The following ATP11C variants were observed in gnomAD, a reference collection of about 807,000 sequenced individuals.
ATP11C encodes the protein phospholipid-transporting ATPase IG.
ATP11C carries 36 observed loss-of-function variants against 97.4 expected under a neutral mutation model. The observed-to-expected ratio is 0.37, with a 90% CI of 0.28 to 0.49. ATP11C has a LOEUF of 0.49. Ranked by LOEUF, ATP11C falls within the 20% of genes least tolerant of loss-of-function variation. The pLI is 0.98. For missense variants in ATP11C, 730 were observed against 824.6 expected (o/e 0.89, Z 1.40); for synonymous variants, 275 against 290.9 (o/e 0.95, Z 0.56).
chrX:139,855,174 G>A (rs1312096594), intron 1 of ATP11C, among the ~76,000 whole-genome samples: 1 of 111,575 alleles, frequency 9.0e-6, no homozygotes, highest in East Asian at 2.8e-4. Context: ...GCTTTCTTTG[G>A]TCTAAAAACT....
intron 1 of ATP11C, among the ~76,000 whole-genome samples, chrX:139,914,221 C>G (rs1227953587): frequency 1.8e-5 from 2 of 111,875 alleles, no homozygotes; most frequent in East Asian, 2.8e-4. Flanking sequence ...AGCCACTTAC[C>G]CTCTCTCAGT....
chrX:139,802,269 A>G lies in ATP11C; in HGVS notation c.626T>C (p.Ile209Thr). 8.3e-7 allele frequency: 1 copy of G among 1,208,816 alleles called. No homozygotes were observed. Among genetic ancestry groups the G allele is most frequent in the Non-Finnish European group, 1.1e-6 (1 of 892,771 alleles). ...AESIDTLRAA[I>T]ECEQPQPDLY... ...GTCAGGTTGAGGCTGTTCACATTCA[A>G]TTGCTGCTCGGAGGGTATCGATGGA... The change falls in exon 7 of 30, where the codon ATT becomes ACT. Residue 209 changes from isoleucine to threonine, a missense_variant. Transcript: ENST00000682941.
chrX:139,851,633 A>T (rs1290881989), intron 1 of ATP11C, among the ~76,000 whole-genome samples: 1 of 111,250 alleles, frequency 9.0e-6, no homozygotes, highest in Non-Finnish European at 1.9e-5. Flanking sequence ...CAAGTAGGAG[A>T]CTCCAACCTG....
chrX:139,878,175 C>T (rs142621831), intron 1 of ATP11C, among the ~76,000 whole-genome samples: 2,249 of 111,995 alleles, frequency 0.02, 18 homozygotes, highest in Middle Eastern at 0.046. Context: ...CTTTCTGACA[C>T]GTAAAATGAA....
intron 1 of ATP11C, among the ~76,000 whole-genome samples, chrX:139,919,490 CA>C (rs2085219538): frequency 9.6e-6 from 1 of 104,183 alleles, no homozygotes; most frequent in South Asian, 4.1e-4. Context: ...CACACACACA[CA>C]CAAACTACTT....
chrX:139,732,455 CTG>C (rs758595498), intron 28 of ATP11C: 1 of 368,847 alleles, frequency 2.7e-6, no homozygotes, highest in South Asian at 2.4e-5. Context: ...CCAAGAGAAA[CTG>C]TGATTGCTGG....
At chrX:139,738,934 T>C (rs1021469509) in intron 27 of ATP11C, among the ~76,000 whole-genome samples, 16 of 111,691 alleles carry the variant, frequency 1.4e-4, no homozygotes, top group African/African-American at 5.2e-4. Flanking sequence ...TGACACATCA[T>C]GCTTCCTGAA....
At chrX:139,732,511 G>A (rs1167611815) in intron 28 of ATP11C, 2 of 360,619 alleles carry the variant, frequency 5.5e-6, no homozygotes, top group Admixed American at 2.6e-5. Context: ...CTGAGGAAGG[G>A]AGGCGTTTCG....
chrX:139,776,708 C>T (rs1478775104), intron 18 of ATP11C, among the ~76,000 whole-genome samples: 2 of 111,515 alleles, frequency 1.8e-5, no homozygotes, highest in African/African-American at 3.3e-5. Flanking sequence ...CTCTTAAACT[C>T]CATCTACCAG....
chrX:139,775,022 A>T (rs777447622), intron 18 of ATP11C, 69 bp from the exon 19 acceptor site: 1 of 1,058,933 alleles, frequency 9.4e-7, no homozygotes, highest in African/African-American at 1.9e-5. Context: ...AAGGCTTATT[A>T]AAGAGAATAT....
intron 1 of ATP11C, 38 bp from the exon 2 acceptor site, chrX:139,826,861 C>T: frequency 8.6e-7 from 1 of 1,169,151 alleles, no homozygotes; most frequent in Non-Finnish European, 1.2e-6. Context: ...AGTTTTTCAT[C>T]ACATTTGTCC....
chrX:139,910,269 G>A (rs2085052271), intron 1 of ATP11C, among the ~76,000 whole-genome samples: 1 of 110,952 alleles, frequency 9.0e-6, no homozygotes, highest in Non-Finnish European at 1.9e-5. Context: ...AAGATTCTTG[G>A]TGAATTTTGA....
At chrX:139,923,196 C>CA (rs1472540932) in intron 1 of ATP11C, among the ~76,000 whole-genome samples, 3 of 111,606 alleles carry the variant, frequency 2.7e-5, no homozygotes, top group Non-Finnish European at 5.6e-5. Flanking sequence ...CACCATTGCT[C>CA]AGGTAATTGC....
chrX:139,921,716 TTAAA>T (rs1454299051), intron 1 of ATP11C, among the ~76,000 whole-genome samples: 1 of 111,317 alleles, frequency 9.0e-6, no homozygotes, highest in African/African-American at 3.3e-5. Flanking sequence ...CTCCAGCTTT[TTAAA>T]TAAATGACCA....
intron 1 of ATP11C, among the ~76,000 whole-genome samples, chrX:139,915,451 A>G (rs2085141049): frequency 1.8e-5 from 2 of 110,654 alleles, no homozygotes; most frequent in Non-Finnish European, 3.8e-5. Flanking sequence ...AGGAGGATCA[A>G]ATGAGGCCAG....
intron 20 of ATP11C, among the ~76,000 whole-genome samples, chrX:139,764,491 C>T (rs2148676689): frequency 8.9e-6 from 1 of 112,782 alleles, no homozygotes; most frequent in East Asian, 2.8e-4. Context: ...CCCTCTTACC[C>T]TATGTTTTAG....
At chrX:139,735,575 G>A (rs748750617) in intron 28 of ATP11C, among the ~76,000 whole-genome samples, 4 of 111,742 alleles carry the variant, frequency 3.6e-5, no homozygotes, top group Non-Finnish European at 7.6e-5. Context: ...TGGTCACTGA[G>A]CATAAAGACT....
chrX:139,860,635 T>G (rs1406871340), intron 1 of ATP11C, among the ~76,000 whole-genome samples: 1 of 111,086 alleles, frequency 9.0e-6, no homozygotes, highest in Non-Finnish European at 1.9e-5. Flanking sequence ...CTGGCCAACA[T>G]GGTGAAACCC....
chrX:139,814,082 ACCTAAAACTGC>A (rs1213547103), intron 5 of ATP11C, among the ~76,000 whole-genome samples: 1 of 110,940 alleles, frequency 9.0e-6, no homozygotes, highest in Non-Finnish European at 1.9e-5. Flanking sequence ...TTTCCTGTGA[ACCTAAAACTGC>A]TCTAAAAATA....
Sources: gnomAD v4.1 joint callset for allele counts (sites outside exome capture counted in the v4.1 genomes callset) on GRCh38, gnomAD v4.1.1 for gene constraint, MANE v1.5 for transcripts, NCBI Gene and HGNC (gene_info 2026-07-23, HGNC 2026-07-21) for gene names.